The following PODXL variants were observed in gnomAD, a reference collection of about 807,000 sequenced individuals.
PODXL encodes the protein podocalyxin like.
In PODXL, 20 loss-of-function variants were observed where a neutral mutation model predicts 48.9. The observed-to-expected ratio is 0.41, with a 90% CI of 0.29 to 0.59. The LOEUF (loss-of-function observed/expected upper bound fraction) is 0.59. Ranked by LOEUF, PODXL falls within the 20% of genes least tolerant of loss-of-function variation. PODXL has a pLI of 0.31. For missense variants in PODXL, 606 were observed against 675.1 expected, an observed-to-expected ratio of 0.90 and a Z score of 1.13; for synonymous variants, 295 against 287.4, an observed-to-expected ratio of 1.03 and a Z score of -0.27.
intron 5 of PODXL, among the ~76,000 whole-genome samples, chr7:131,507,478 C>T (rs1797828877): frequency 6.6e-6 from 1 of 152,188 alleles, no homozygotes; most frequent in Admixed American, 6.5e-5. Context: ...GGGCACCCCT[C>T]CCTGGGGCTT....
intron 1 of PODXL, among the ~76,000 whole-genome samples, chr7:131,537,180 T>C (rs943845645): frequency 2.0e-5 from 3 of 151,212 alleles, no homozygotes; most frequent in Non-Finnish European, 4.4e-5. Flanking sequence ...GGCCTGGTGG[T>C]GTGTACCTGT....
At position 131,541,062 on chromosome 7, in the gene PODXL, T is replaced by G. The variant is rs565197172; in HGVS notation, c.100+15198A>C. On this transcript the variant is annotated intron_variant, in intron 1 of 8. Coordinates refer to ENST00000378555, the MANE Select transcript of PODXL (RefSeq NM_001018111.3). The stretch of plus-strand genomic sequence containing the variant: ...CCTTCCAGGAATAACACCTGTGTCC[T>G]TCTTGCTGCAGAGTAATTCACAGCA... 2.0e-5 allele frequency among the ~76,000 whole-genome samples: 3 copies of G among 152,352 alleles called. No individual in the cohort carries two copies. In the South Asian group the frequency reaches 6.2e-4, roughly 32 times the overall value.
intron 5 of PODXL, 143 bp from the exon 6 acceptor site, chr7:131,506,869 C>T (rs981014902): frequency 1.0e-5 from 8 of 802,242 alleles, no homozygotes; most frequent in East Asian, 5.1e-5. Context: ...TGGTGCTCCA[C>T]GCAGGCCTGC....
chr7:131,524,408 A>AGAGAG (rs367857912), intron 1 of PODXL, among the ~76,000 whole-genome samples: 2 of 149,590 alleles, frequency 1.3e-5, no homozygotes, highest in Non-Finnish European at 1.5e-5. Context: ...AGAGAGAGAG[A>AGAGAG]AAACAACAAG....
intron 8 of PODXL, 26 bp from the exon 9 acceptor site, chr7:131,504,534 G>T: frequency 6.2e-7 from 1 of 1,604,732 alleles, no homozygotes. Flanking sequence ...TGACCGGTGA[G>T]AAGGGGGTTT....
chr7:131,524,021 A>C (rs1414576690), intron 1 of PODXL, among the ~76,000 whole-genome samples: 2 of 151,844 alleles, frequency 1.3e-5, no homozygotes, highest in Non-Finnish European at 2.9e-5. Flanking sequence ...CTGGTCTCGA[A>C]CTCCTGACCT....
chr7:131,540,335 C>T (rs182837445), intron 1 of PODXL, among the ~76,000 whole-genome samples: 78 of 152,246 alleles, frequency 5.1e-4, no homozygotes, highest in Admixed American at 3.5e-3. Flanking sequence ...GAGTGAGCCA[C>T]AGTGTCTGGC....
chr7:131,509,269 G>T, intron 4 of PODXL, 96 bp downstream of exon 4: 1 of 1,020,946 alleles, frequency 9.8e-7, no homozygotes, highest in Non-Finnish European at 1.5e-6. Flanking sequence ...CCCAGCCAGG[G>T]GCCCTGCGTT....
chr7:131,521,337 A>ATTT (rs71174956), intron 1 of PODXL, among the ~76,000 whole-genome samples: 77,374 of 146,372 alleles, frequency 0.53, 24,357 homozygotes, highest in Admixed American at 0.68. Context: ...ATTAAGGTCA[A>ATTT]TTTTTTTTTT....
At chr7:131,532,526 G>A (rs1386962965) in intron 1 of PODXL, among the ~76,000 whole-genome samples, 1 of 150,604 alleles carries the variant, frequency 6.6e-6, no homozygotes, top group Non-Finnish European at 1.5e-5. Context: ...TTGGAGGGGG[G>A]GTACATTTTT....
At chr7:131,510,174 T>TTA (rs1797883471) in intron 3 of PODXL, 62 bp downstream of exon 3, 1 of 442,140 alleles carries the variant, frequency 2.3e-6, no homozygotes, top group East Asian at 7.4e-5. Context: ...TAAGACAAGC[T>TTA]CTTATAAATA....
chr7:131,554,717 A>G (rs1425393038), intron 1 of PODXL, among the ~76,000 whole-genome samples: 1 of 152,112 alleles, frequency 6.6e-6, no homozygotes, highest in African/African-American at 2.4e-5. Context: ...CAGCTTCCTT[A>G]AGCTCAGAAG....
At position 131,503,476 on chromosome 7, in the gene PODXL, C is replaced by T. The variant is rs1442318248; in HGVS notation, c.*835G>A. 1 of 152,330 alleles carries T rather than the reference C, an allele frequency of 6.6e-6. No homozygotes were observed. Among genetic ancestry groups the T allele is most frequent in the Non-Finnish European group, 1.5e-5 (1 of 68,154 alleles). The allele number at this position is 152,330 out of a possible 1,614,324, so 9.4% of individuals were successfully genotyped here. On this transcript the variant is annotated 3_prime_UTR_variant, in exon 9 of 9. Transcript: ENST00000378555. The stretch of plus-strand genomic sequence containing the variant: ...TCCTGCTGACCCCTCATCAGCTGCC[C>T]TGAGATACCAGCCTGGACTCGAGTG...
intron 1 of PODXL, among the ~76,000 whole-genome samples, chr7:131,554,226 C>T (rs1798709868): frequency 6.6e-6 from 1 of 152,140 alleles, no homozygotes; most frequent in African/African-American, 2.4e-5. Flanking sequence ...GTGTAGAATG[C>T]ACCATAGCTA....
At chr7:131,532,449 AAATT>A (rs1205890200) in intron 1 of PODXL, among the ~76,000 whole-genome samples, 5 of 144,438 alleles carry the variant, frequency 3.5e-5, no homozygotes, top group South Asian at 2.2e-4. Context: ...AAAAAAAAAA[AAATT>A]AAAAATAAAT....
intron 1 of PODXL, among the ~76,000 whole-genome samples, chr7:131,520,943 C>T (rs909030109): frequency 9.2e-5 from 14 of 152,004 alleles, no homozygotes; most frequent in South Asian, 2.1e-4. Flanking sequence ...TGAGGCGGGC[C>T]GATCACTTGA....
intron 1 of PODXL, among the ~76,000 whole-genome samples, chr7:131,527,938 C>T (rs868468850): frequency 5.0e-4 from 70 of 139,266 alleles, no homozygotes; most frequent in Middle Eastern, 8.8e-3. Context: ...GAGTCTTGCT[C>T]GGTCACCCTG....
intron 1 of PODXL, among the ~76,000 whole-genome samples, chr7:131,535,722 TGACCACTGATGTCTAA>T (rs1798363901): frequency 6.6e-6 from 1 of 152,206 alleles, no homozygotes; most frequent in South Asian, 2.1e-4. Context: ...AGTCATATGC[TGACCACTGATGTCTAA>T]GATCCCCCTG....
chr7:131,518,587 C>G (rs1273721734), intron 1 of PODXL, among the ~76,000 whole-genome samples: 1 of 147,604 alleles, frequency 6.8e-6, no homozygotes, highest in African/African-American at 2.7e-5. Context: ...TGGGTTCTAG[C>G]CATATTCCTT....
Sources: gnomAD v4.1 joint callset for allele counts (sites outside exome capture counted in the v4.1 genomes callset) on GRCh38, gnomAD v4.1.1 for gene constraint, MANE v1.5 for transcripts, NCBI Gene and HGNC (gene_info 2026-07-23, HGNC 2026-07-21) for gene names.